The following OR2Y1 variants were observed in gnomAD, a reference collection of about 807,000 sequenced individuals.
The protein encoded by OR2Y1 is olfactory receptor family 2 subfamily Y member 1, also known as olfactory receptor 2Y1.
For missense variants in OR2Y1, 412 were observed against 388.4 expected (o/e 1.06, Z -0.51); for synonymous variants, 163 against 154.2 (o/e 1.06, Z -0.42).
rs1193298844 is a variant in OR2Y1 at position 180,739,501 on chromosome 5, C to T, written c.558G>A (p.Leu186=). The T allele has an allele frequency of 6.2e-7, 1 of 1,614,242 alleles. No homozygotes were observed. Among genetic ancestry groups the T allele is most frequent in the East Asian group, 2.2e-5 (1 of 44,888 alleles). ...FFCEMPVFLK[L]ACADTEGTEA... ...CTGTTCCTTCTGTGTCCGCACAAGCCAACTTCAGAAATACAGGCATCTCAC... is the reference window on the plus strand; with the variant it reads ...CTGTTCCTTCTGTGTCCGCACAAGCTAACTTCAGAAATACAGGCATCTCAC... Residue 186 remains leucine (L), a synonymous_variant, in exon 1 of 1, where the codon TTG becomes TTA. Transcript: ENST00000307832.
chr5:180,739,903 G>T lies in OR2Y1; in HGVS notation c.156C>A (p.Asp52Glu), dbSNP rs765030874. The T allele has an allele frequency of 5.6e-6, 9 of 1,614,098 alleles. No homozygotes were observed. In the South Asian group the frequency reaches 9.9e-5, roughly 18 times the overall value. The change falls in exon 1 of 1, where the codon GAC becomes GAA. Residue 52 changes from aspartate to glutamate, a missense_variant. By Grantham distance (45) the Asp-to-Glu change is conservative (BLOSUM62 2). Coordinates refer to ENST00000307832, the MANE Select transcript of OR2Y1 (RefSeq NM_001001657.1). ...AGTACATAGGTGTGTGCAGCCGAAG[G>T]TCTAGCCAGGAGAGAGCGATGATGA... ...NTIIIALSWL[D>E]LRLHTPMYFF...
Position 180,740,055 on chromosome 5 carries a change from C to T in OR2Y1, c.4G>A (p.Gly2Arg), listed in dbSNP as rs778973672. 6.2e-7 allele frequency: 1 copy of T among 1,609,134 alleles called. No homozygotes were observed. Among genetic ancestry groups the T allele is most frequent in the South Asian group, 1.1e-5 (1 of 90,958 alleles). Reference sequence around the variant, plus strand: ...TCTTCAAAACTGGTGTTGAAACTTCCCATGGCCTTTTGCCTGTCTGAACAG... The same window carrying T: ...TCTTCAAAACTGGTGTTGAAACTTCTCATGGCCTTTTGCCTGTCTGAACAG... MGSFNTSFEDGF... is the reference protein window; with the variant it reads MRSFNTSFEDGF... Residue 2 changes from glycine (G) to arginine (R), a missense_variant, in exon 1 of 1, where the codon GGA (glycine) becomes AGA (arginine). By Grantham distance (125) the Gly-to-Arg change is moderately radical (BLOSUM62 -2). Transcript: ENST00000307832.
rs200767090 is a variant in OR2Y1, at chr5:180,739,676, C to A, written c.383G>T (p.Arg128Leu). Reference sequence around the variant, plus strand: ...CATGATGGCCATGTAGTGGAGTGGACGACAGACAGCAGCATAGCGGTCAAA... The same window carrying A: ...CATGATGGCCATGTAGTGGAGTGGAAGACAGACAGCAGCATAGCGGTCAAA... ...MAFDRYAAVC[R>L]PLHYMAIMHP... The change falls in exon 1 of 1, where the codon CGT becomes CTT. Residue 128 changes from arginine (R) to leucine (L), a missense_variant. Transcript: ENST00000307832. 2.5e-6 allele frequency: 4 copies of A among 1,614,168 alleles called. No homozygotes were observed. Among genetic ancestry groups the A allele is most frequent in the East Asian group, 2.2e-5 (1 of 44,878 alleles).
rs1766807905 is a variant in OR2Y1, at chr5:180,739,163, G to T, written c.896C>A (p.Ala299Asp). The change falls in exon 1 of 1, where the codon GCT becomes GAT. Residue 299 changes from alanine to aspartate, a missense_variant. Physicochemically the swap from Ala to Asp is moderately radical, Grantham distance 126. Coordinates refer to ENST00000307832, the MANE Select transcript of OR2Y1 (RefSeq NM_001001657.1). ...YTLRNKDVKG[A>D]LWKVLWRGRD... is the part of the protein sequence containing the mutation. ...GCCCCTCCATAGTACTTTCCACAGA[G>T]CCCCCTTCACGTCCTTGTTTCTTAG... is the stretch of plus-strand genomic sequence containing the variant. 5 of 1,612,886 alleles carry T rather than the reference G, an allele frequency of 3.1e-6. No homozygotes were observed. Among genetic ancestry groups the T allele is most frequent in the Non-Finnish European group, 4.2e-6 (5 of 1,179,642 alleles).
At position 180,739,599 on chromosome 5, in the gene OR2Y1, C is replaced by G. The variant is rs11954074; in HGVS notation, c.460G>C (p.Val154Leu). 4.3e-6 allele frequency: 7 copies of G among 1,614,062 alleles called. No homozygotes were observed. In the South Asian group the frequency reaches 6.6e-5, roughly 15 times the overall value. Residue 154 changes from valine (V) to leucine (L), a missense_variant, in exon 1 of 1, where the codon GTG (valine) becomes CTG (leucine). Val to Leu is a conservative substitution (Grantham distance 32, BLOSUM62 1). Transcript: ENST00000307832. ...AGACCTGTCTGGATCAGAGAGTTCA[C>G]GAAACCCGCACCCCAGGAGGCGATA... is the stretch of plus-strand genomic sequence containing the variant. ...LAIASWGAGFVNSLIQTGLAM... is the reference protein window; with the variant it reads ...LAIASWGAGFLNSLIQTGLAM...
chr5:180,740,047 G>A lies in OR2Y1; in HGVS notation c.12C>T (p.Phe4=). 6.2e-7 allele frequency: 1 copy of A among 1,610,910 alleles called. No homozygotes were observed. Among genetic ancestry groups the A allele is most frequent in the South Asian group, 1.1e-5 (1 of 91,046 alleles). Residue 4 remains phenylalanine, a synonymous_variant, in exon 1 of 1, where the codon TTC becomes TTT. Transcript: ENST00000307832. ...TGAAGCCATCTTCAAAACTGGTGTTGAAACTTCCCATGGCCTTTTGCCTGT... is the reference window on the plus strand; with the variant it reads ...TGAAGCCATCTTCAAAACTGGTGTTAAAACTTCCCATGGCCTTTTGCCTGT... MGS[F]NTSFEDGFIL...
In OR2Y1 at chr5:180,739,921, G is replaced by A. The variant is rs753058205; in HGVS notation, c.138C>T (p.Ile46=). 2.5e-5 allele frequency: 41 copies of A among 1,614,194 alleles called. No individual in the cohort carries two copies. The South Asian group carries it at 3.2e-4, about 13-fold the overall frequency. ...GCCGAAGGTCTAGCCAGGAGAGAGC[G>A]ATGATGATGGTGTTGCCAAAGAGAG... is the stretch of plus-strand genomic sequence containing the variant. ...SLTLFGNTII[I]ALSWLDLRLH... is the part of the protein sequence containing the mutation. Residue 46 remains isoleucine, a synonymous_variant, in exon 1 of 1, where the codon ATC becomes ATT. Transcript: ENST00000307832.
Position 180,739,524 on chromosome 5 carries a change from C to T in OR2Y1, c.535G>A (p.Glu179Lys). The change falls in exon 1 of 1, where the codon GAG becomes AAG. Residue 179 changes from glutamate to lysine, a missense_variant. By Grantham distance (56) the Glu-to-Lys change is moderately conservative. Coordinates refer to ENST00000307832, the MANE Select transcript of OR2Y1 (RefSeq NM_001001657.1). The stretch of plus-strand genomic sequence containing the variant: ...GCCAACTTCAGAAATACAGGCATCT[C>T]ACAGAAGAAGTGATTCAGTCGATGG... ...CGHRLNHFFC[E>K]MPVFLKLACA... The T allele has an allele frequency of 6.2e-7, 1 of 1,614,260 alleles. No homozygotes were observed. The highest frequency in any genetic ancestry group is 8.5e-7 in the Non-Finnish European group (1 of 1,180,048).
Position 180,739,793 on chromosome 5 carries a change from T to C in OR2Y1, c.266A>G (p.Asp89Gly), listed in dbSNP as rs1766818725. ...ACACCCTCCACGGGTGATGGTGCGG[T>C]CCACCCCGCAAAGGTTGATCAGGAG... The part of the protein sequence containing the change: ...PQLLINLCGV[D>G]RTITRGGCVA... Residue 89 changes from aspartate (D) to glycine (G), a missense_variant, in exon 1 of 1, where the codon GAC becomes GGC. Asp to Gly is a moderately conservative substitution (Grantham distance 94, BLOSUM62 -1). Coordinates refer to ENST00000307832, the MANE Select transcript of OR2Y1 (RefSeq NM_001001657.1). The C allele has an allele frequency of 1.2e-6, 2 of 1,613,998 alleles. No homozygotes were observed. Among genetic ancestry groups the C allele is most frequent in the African/African-American group, 2.7e-5 (2 of 74,904 alleles).
rs1471552514 is a variant in OR2Y1 at position 180,739,665 on chromosome 5, A to G, written c.394T>C (p.Tyr132His). 2.9e-5 allele frequency: 47 copies of G among 1,614,062 alleles called. No homozygotes were observed. Among genetic ancestry groups the G allele is most frequent in the Non-Finnish European group, 3.6e-5 (43 of 1,179,982 alleles). Residue 132 changes from tyrosine to histidine, a missense_variant, in exon 1 of 1, where the codon TAC (tyrosine) becomes CAC (histidine). Tyr to His is a moderately conservative substitution (Grantham distance 83). Transcript: ENST00000307832. ...AGATGGGGGTGCATGATGGCCATGT[A>G]GTGGAGTGGACGACAGACAGCAGCA... ...RYAAVCRPLHYMAIMHPHLCQ... is the reference protein window; with the variant it reads ...RYAAVCRPLHHMAIMHPHLCQ...
In OR2Y1 at chr5:180,739,904, T is replaced by C. The variant is rs1174392693; in HGVS notation, c.155A>G (p.Asp52Gly). 1.2e-6 allele frequency: 2 copies of C among 1,614,032 alleles called. No homozygotes were observed. The change falls in exon 1 of 1, where the codon GAC (aspartate) becomes GGC (glycine). Residue 52 changes from aspartate (D) to glycine (G), a missense_variant. Transcript: ENST00000307832. ...NTIIIALSWL[D>G]LRLHTPMYFF... The stretch of plus-strand genomic sequence containing the variant: ...GTACATAGGTGTGTGCAGCCGAAGG[T>C]CTAGCCAGGAGAGAGCGATGATGAT...
rs746561722 is a variant in OR2Y1, at chr5:180,739,592, G to C, written c.467C>G (p.Ser156Cys). The change falls in exon 1 of 1, where the codon TCT (serine) becomes TGT (cysteine). Residue 156 changes from serine to cysteine, a missense_variant. Physicochemically the swap from Ser to Cys is moderately radical, Grantham distance 112. Transcript: ENST00000307832. ...CATTGCGAGACCTGTCTGGATCAGA[G>C]AGTTCACGAAACCCGCACCCCAGGA... ...IASWGAGFVNSLIQTGLAMAM... is the reference protein window; with the variant it reads ...IASWGAGFVNCLIQTGLAMAM... The C allele has an allele frequency of 4.3e-6, 7 of 1,614,124 alleles. No homozygotes were observed. The highest frequency in any genetic ancestry group is 8.5e-7 in the Non-Finnish European group (1 of 1,180,040).
rs1766814071 is a variant in OR2Y1 at position 180,739,534 on chromosome 5, G to T, written c.525C>A (p.His175Gln). 1 of 1,614,284 alleles carries T rather than the reference G, an allele frequency of 6.2e-7. No homozygotes were observed. The change falls in exon 1 of 1, where the codon CAC becomes CAA. Residue 175 changes from histidine to glutamine, a missense_variant. Coordinates refer to ENST00000307832, the MANE Select transcript of OR2Y1 (RefSeq NM_001001657.1). ...AMPLCGHRLN[H>Q]FFCEMPVFLK... is the part of the protein sequence containing the mutation. ...GAAATACAGGCATCTCACAGAAGAA[G>T]TGATTCAGTCGATGGCCACAGAGAG...
rs1452453923 is a variant in OR2Y1, at chr5:180,739,257, G to A, written c.802C>T (p.Arg268Cys). The change falls in exon 1 of 1, where the codon CGT becomes TGT. Residue 268 changes from arginine to cysteine, a missense_variant. Coordinates refer to ENST00000307832, the MANE Select transcript of OR2Y1 (RefSeq NM_001001657.1). ...AAAAGGGCAACAAATTTTCCCTCAC[G>A]CTCAGAATAATTGTGGATGGATTGG... ...YLQSIHNYSE[R>C]EGKFVALFYT... The A allele has an allele frequency of 3.7e-6, 6 of 1,613,974 alleles. No homozygotes were observed. Among genetic ancestry groups the A allele is most frequent in the South Asian group, 1.1e-5 (1 of 91,086 alleles).
At position 180,739,367 on chromosome 5, in the gene OR2Y1, G is replaced by T; in HGVS notation, c.692C>A (p.Ala231Asp). The T allele has an allele frequency of 6.2e-7, 1 of 1,614,170 alleles. No individual in the cohort carries two copies. Among genetic ancestry groups the T allele is most frequent in the Non-Finnish European group, 8.5e-7 (1 of 1,180,038 alleles). The part of the protein sequence containing the change: ...AHAVLRVKST[A>D]GRRKAFGTCG... Reference sequence around the variant, plus strand: ...AGTCCCAAAAGCCTTTCTGCGCCCAGCCGTTGACTTCACCCTCAGCACTGC... The same window carrying T: ...AGTCCCAAAAGCCTTTCTGCGCCCATCCGTTGACTTCACCCTCAGCACTGC... The change falls in exon 1 of 1, where the codon GCT (alanine) becomes GAT (aspartate). Residue 231 changes from alanine to aspartate, a missense_variant. By Grantham distance (126) the Ala-to-Asp change is moderately radical. Coordinates refer to ENST00000307832, the MANE Select transcript of OR2Y1 (RefSeq NM_001001657.1).
In OR2Y1 at chr5:180,739,275, T is replaced by C. The variant is rs1348825551; in HGVS notation, c.784A>G (p.Ile262Val). Residue 262 changes from isoleucine to valine, a missense_variant, in exon 1 of 1, where the codon ATC becomes GTC. Transcript: ENST00000307832. The part of the protein sequence containing the change: ...GSAIYTYLQS[I>V]HNYSEREGKF... ...CCCTCACGCTCAGAATAATTGTGGA[T>C]GGATTGGAGATATGTGTAGATGGCT... is the stretch of plus-strand genomic sequence containing the variant. 1.9e-6 allele frequency: 3 copies of C among 1,613,868 alleles called. No individual in the cohort carries two copies. The highest frequency in any genetic ancestry group is 1.7e-6 in the Non-Finnish European group (2 of 1,179,994).
rs1331070492 is a variant in OR2Y1, at chr5:180,740,029, A to G, written c.30T>C (p.Asp10=). The stretch of plus-strand genomic sequence containing the variant: ...CTGAGAATCCCACCAAAATGAAGCC[A>G]TCTTCAAAACTGGTGTTGAAACTTC... The part of the protein sequence containing the change: MGSFNTSFE[D]GFILVGFSDW... Residue 10 remains aspartate, a synonymous_variant, in exon 1 of 1, where the codon GAT becomes GAC. Coordinates refer to ENST00000307832, the MANE Select transcript of OR2Y1 (RefSeq NM_001001657.1). 2 of 1,612,654 alleles carry G rather than the reference A, an allele frequency of 1.2e-6. No individual in the cohort carries two copies. The highest frequency in any genetic ancestry group is 2.7e-5 in the African/African-American group (2 of 74,946).
rs751019340 is a variant in OR2Y1 at position 180,739,238 on chromosome 5, G to A, written c.821C>T (p.Ala274Val). ...GGGGGTAATTATAGTATAAAAAAGG[G>A]CAACAAATTTTCCCTCACGCTCAGA... Reference protein sequence around the residue: ...NYSEREGKFVALFYTIITPIL... With the variant: ...NYSEREGKFVVLFYTIITPIL... The change falls in exon 1 of 1, where the codon GCC becomes GTC. Residue 274 changes from alanine to valine, a missense_variant. Coordinates refer to ENST00000307832, the MANE Select transcript of OR2Y1 (RefSeq NM_001001657.1). The A allele has an allele frequency of 6.2e-7, 1 of 1,614,042 alleles. No individual in the cohort carries two copies. Among genetic ancestry groups the A allele is most frequent in the East Asian group, 2.2e-5 (1 of 44,878 alleles).
Position 180,739,620 on chromosome 5 carries a change from C to T in OR2Y1, c.439G>A (p.Ala147Thr), listed in dbSNP as rs367742243. ...HPHLCQTLAI[A>T]SWGAGFVNSL... ...TTCACGAAACCCGCACCCCAGGAGG[C>T]GATAGCCAGGGTCTGGCAGAGATGG... Residue 147 changes from alanine (A) to threonine (T), a missense_variant, in exon 1 of 1, where the codon GCC becomes ACC. Transcript: ENST00000307832. The T allele has an allele frequency of 2.0e-5, 33 of 1,614,078 alleles. 1 individual carries two copies. Among genetic ancestry groups the T allele is most frequent in the East Asian group, 1.3e-4 (6 of 44,886 alleles).
Sources: gnomAD v4.1 joint callset for allele counts on GRCh38, gnomAD v4.1.1 for gene constraint, MANE v1.5 for transcripts, NCBI Gene and HGNC (gene_info 2026-07-23, HGNC 2026-07-21) for gene names.